Variants in TYR observed in about 807,000 individuals in gnomAD.
TYR encodes the protein LB24-AB.
TYR carries 58 observed loss-of-function variants against 51.5 expected under a neutral mutation model. That is an observed-to-expected ratio of 1.13 (90% confidence interval 0.91 to 1.40). The LOEUF is 1.40. Among genes scored for constraint, TYR ranks in the 40% most tolerant of loss-of-function variants. TYR has a pLI of 0.00. For synonymous variants in TYR, 263 were observed against 235.2 expected, an observed-to-expected ratio of 1.12 and a Z score of -1.08; for missense variants, 732 against 647.4, an observed-to-expected ratio of 1.13 and a Z score of -1.42.
intron 3 of TYR, among the ~76,000 whole-genome samples, chr11:89,249,443 G>A (rs1320280355): frequency 7.5e-6 from 1 of 132,560 alleles, no homozygotes; most frequent in Non-Finnish European, 1.6e-5. Context: ...AGGAAAAAAA[G>A]GACATTAAGC....
intron 3 of TYR, among the ~76,000 whole-genome samples, chr11:89,250,968 T>C (rs1440596458): frequency 6.6e-6 from 1 of 151,746 alleles, no homozygotes; most frequent in Admixed American, 6.6e-5. Flanking sequence ...AATAGAGAAA[T>C]AAGAAAACAA....
intron 3 of TYR, among the ~76,000 whole-genome samples, chr11:89,239,676 ATTG>A (rs917976892): frequency 6.6e-6 from 1 of 152,016 alleles, no homozygotes; most frequent in Admixed American, 6.6e-5. Flanking sequence ...GTAGGCATTT[ATTG>A]TTATAAATAT....
At chr11:89,270,010 C>T (rs949413175) in intron 3 of TYR, among the ~76,000 whole-genome samples, 6 of 151,862 alleles carry the variant, frequency 4.0e-5, no homozygotes, top group Non-Finnish European at 5.9e-5. Flanking sequence ...TGAATTATAC[C>T]GTAACTAGGC....
At chr11:89,218,766 T>C (rs1270022581) in intron 2 of TYR, among the ~76,000 whole-genome samples, 1 of 152,190 alleles carries the variant, frequency 6.6e-6, no homozygotes, top group Non-Finnish European at 1.5e-5. Flanking sequence ...ATGAGGAAAC[T>C]GAGATTCTGA....
intron 4 of TYR, among the ~76,000 whole-genome samples, chr11:89,287,745 T>C (rs556345441): frequency 2.6e-5 from 4 of 152,056 alleles, no homozygotes; most frequent in African/African-American, 9.6e-5. Context: ...TTCAAAAGAT[T>C]ATTGCAGCTT....
intron 3 of TYR, among the ~76,000 whole-genome samples, chr11:89,270,886 T>C (rs1944580290): frequency 6.6e-6 from 1 of 151,836 alleles, no homozygotes; most frequent in Non-Finnish European, 1.5e-5. Flanking sequence ...GGACATATAA[T>C]GACCAATAAG....
intron 3 of TYR, among the ~76,000 whole-genome samples, chr11:89,273,462 C>A (rs1944614409): frequency 6.6e-6 from 1 of 151,822 alleles, no homozygotes; most frequent in Non-Finnish European, 1.5e-5. Context: ...TGGTTTGTGG[C>A]AACCCAAAAC....
chr11:89,254,797 G>A (rs920740991), intron 3 of TYR, among the ~76,000 whole-genome samples: 4 of 151,336 alleles, frequency 2.6e-5, no homozygotes, highest in African/African-American at 7.3e-5. Context: ...TTTATCTTTT[G>A]TATTTCTTTT....
At chr11:89,206,159 A>G (rs1472218772) in intron 2 of TYR, among the ~76,000 whole-genome samples, 4 of 152,134 alleles carry the variant, frequency 2.6e-5, no homozygotes, top group Non-Finnish European at 5.9e-5. Context: ...CCATAACATT[A>G]TATAATACTT....
chr11:89,187,715 G>C (rs1026016252), intron 1 of TYR, among the ~76,000 whole-genome samples: 3 of 151,984 alleles, frequency 2.0e-5, no homozygotes, highest in Non-Finnish European at 4.4e-5. Context: ...TGATGAGATG[G>C]AAATATCAAA....
At chr11:89,193,982 T>G (rs959528341) in intron 2 of TYR, among the ~76,000 whole-genome samples, 1 of 152,170 alleles carries the variant, frequency 6.6e-6, no homozygotes, top group South Asian at 2.1e-4. Flanking sequence ...AATAGACTCA[T>G]ATAGCCACAG....
chr11:89,241,817 T>C (rs1376716758), intron 3 of TYR, among the ~76,000 whole-genome samples: 1 of 148,070 alleles, frequency 6.8e-6, no homozygotes, highest in African/African-American at 2.4e-5. Context: ...TATAATATAG[T>C]ATATACTATA....
chr11:89,183,287 T>C, intron 1 of TYR, among the ~76,000 whole-genome samples: 1 of 152,036 alleles, frequency 6.6e-6, no homozygotes, highest in Non-Finnish European at 1.5e-5. Flanking sequence ...CAGCATATGT[T>C]ATAAATCACT....
At chr11:89,241,147 C>T (rs1362159899) in intron 3 of TYR, among the ~76,000 whole-genome samples, 1 of 152,190 alleles carries the variant, frequency 6.6e-6, no homozygotes, top group African/African-American at 2.4e-5. Context: ...TGTAAATGCT[C>T]TTCAACTTGG....
intron 1 of TYR, among the ~76,000 whole-genome samples, chr11:89,189,139 A>C (rs187425187): frequency 6.6e-6 from 1 of 152,008 alleles, no homozygotes; most frequent in African/African-American, 2.4e-5. Context: ...AAAATACACT[A>C]AAGATGAAGT....
chr11:89,262,116 C>T (rs183963747), intron 3 of TYR, among the ~76,000 whole-genome samples: 30 of 151,962 alleles, frequency 2.0e-4, no homozygotes, highest in African/African-American at 3.4e-4. Flanking sequence ...TGGAGTGCAA[C>T]GGCACCATCT....
intron 1 of TYR, among the ~76,000 whole-genome samples, chr11:89,190,840 T>C (rs1320025413): frequency 6.6e-6 from 1 of 152,106 alleles, no homozygotes; most frequent in East Asian, 1.9e-4. Flanking sequence ...TTTTACATGT[T>C]TAGATAGGTT....
chr11:89,265,673 C>T lies in TYR; in HGVS notation c.1185-19100C>T, dbSNP rs372062183. Among the ~76,000 whole-genome samples, 9 of 152,180 alleles carry T rather than the reference C, an allele frequency of 5.9e-5. No individual in the cohort carries two copies. The East Asian group carries it at 1.7e-3, about 30-fold the overall frequency. On this transcript the variant is annotated intron_variant, in intron 3 of 4. Transcript: ENST00000263321. ...CAGAGGGGGTTTCACTAGTCTCTCA[C>T]TCTTCCACAAATTGTTTGTTAGCAG...
intron 3 of TYR, among the ~76,000 whole-genome samples, chr11:89,277,106 T>C (rs1944663790): frequency 6.6e-6 from 1 of 151,812 alleles, no homozygotes; most frequent in Admixed American, 6.6e-5. Context: ...CCATCCCTTT[T>C]CTATAAATGA....
Sources: gnomAD v4.1 joint callset for allele counts (sites outside exome capture counted in the v4.1 genomes callset) on GRCh38, gnomAD v4.1.1 for gene constraint, MANE v1.5 for transcripts, NCBI Gene and HGNC (gene_info 2026-07-23, HGNC 2026-07-21) for gene names.